Variants in PECAM1 observed in about 807,000 individuals in gnomAD.
PECAM1 encodes platelet and endothelial cell adhesion molecule 1.
PECAM1 carries 8 observed loss-of-function variants against 13.8 expected under a neutral mutation model. The ratio of observed to expected loss-of-function variants is 0.58; its 90% CI spans 0.34 to 1.05. PECAM1 has a LOEUF of 1.05. Ranked by LOEUF, PECAM1 falls within the 50% of genes least tolerant of loss-of-function variation. The pLI is 0.03. For synonymous variants in PECAM1, 136 were observed against 52.6 expected (o/e 2.58, Z -6.86); for missense variants, 304 against 141.2 (o/e 2.15, Z -5.84).
At chr17:64,356,728 G>A (rs1385347672) in intron 7 of PECAM1, among the ~76,000 whole-genome samples, 11 of 152,122 alleles carry the variant, frequency 7.2e-5, no homozygotes, top group Admixed American at 5.9e-4. Context: ...CTGACCTCAG[G>A]TGATTTGCCC....
intron 13 of PECAM1, among the ~76,000 whole-genome samples, chr17:64,345,711 T>TAAAA (rs34143232): frequency 8.6e-5 from 7 of 81,640 alleles, no homozygotes; most frequent in African/African-American, 2.5e-4. Flanking sequence ...AAGACTGTCA[T>TAAAA]AAAAAAAAAA....
In PECAM1 at chr17:64,356,064, G is replaced by C. The variant is rs1184150656; in HGVS notation, c.1780+47C>G. ...TACAAGGGGTGTGTTTTCTGGTCTT[G>C]CCCTTGGGAGCCCACAGCACAGCTT... On this transcript the variant is annotated intron_variant, in intron 8 of 15. Transcript: ENST00000563924. 1.5e-5 allele frequency: 7 copies of C among 474,836 alleles called. No individual in the cohort carries two copies. In the Admixed American group the frequency reaches 2.2e-4, roughly 15 times the overall value. 29.4% of individuals were successfully genotyped at this position (474,836 alleles called of 1,614,324 possible).
intron 14 of PECAM1, among the ~76,000 whole-genome samples, 190 bp downstream of exon 14, chr17:64,341,444 T>G (rs1402005654): frequency 6.6e-6 from 1 of 152,048 alleles, no homozygotes; most frequent in Admixed American, 6.6e-5. Flanking sequence ...GTTGACTACA[T>G]GAATAGTAAA....
chr17:64,348,920 C>G (rs1369521946), intron 12 of PECAM1, among the ~76,000 whole-genome samples: 5 of 152,180 alleles, frequency 3.3e-5, no homozygotes, highest in Non-Finnish European at 7.4e-5. Flanking sequence ...GAGGGACCCT[C>G]TGGCCTAGGT....
intron 14 of PECAM1, among the ~76,000 whole-genome samples, chr17:64,335,976 T>C (rs2035265475): frequency 6.6e-6 from 1 of 152,052 alleles, no homozygotes; most frequent in African/African-American, 2.4e-5. Flanking sequence ...TAAGAAATGA[T>C]GATCTGGCCG....
rs1352288835 is a variant in PECAM1 at position 64,320,496 on chromosome 17, T to A, written c.*3320A>T. ...CTTTTCCACTGGTACCCTCTGCCTA[T>A]GGTCAAGGCTTTGGTGAGACCCACT... On this transcript the variant is annotated 3_prime_UTR_variant, in exon 16 of 16. Coordinates refer to ENST00000563924, the MANE Select transcript of PECAM1 (RefSeq NM_000442.5). The A allele has an allele frequency of 6.6e-6, 1 of 152,440 alleles. No homozygotes were observed. The highest frequency in any genetic ancestry group is 6.5e-5 in the Admixed American group (1 of 15,272). The allele number at this position is 152,440 out of a possible 1,614,324, so 9.4% of individuals were successfully genotyped here. A position where few individuals can be genotyped will look rare whatever the true frequency, so the allele number is the denominator to read the frequency against.
At chr17:64,372,424 G>A (rs2036262126) in intron 4 of PECAM1, among the ~76,000 whole-genome samples, 2 of 152,166 alleles carry the variant, frequency 1.3e-5, no homozygotes, top group Admixed American at 1.3e-4. Context: ...AAAGGAATTA[G>A]CTGTTTGTTA....
intron 5 of PECAM1, among the ~76,000 whole-genome samples, chr17:64,364,997 A>G (rs1392955643): frequency 6.6e-6 from 1 of 152,042 alleles, no homozygotes; most frequent in Non-Finnish European, 1.5e-5. Flanking sequence ...GAAGGAAATA[A>G]AGGGTATTCA....
At chr17:64,367,700 G>C (rs1041332734) in intron 5 of PECAM1, among the ~76,000 whole-genome samples, 1 of 152,092 alleles carries the variant, frequency 6.6e-6, no homozygotes, top group Non-Finnish European at 1.5e-5. Context: ...CTGTAGACTG[G>C]TCTAGTTATG....
At chr17:64,383,925 A>G (rs1382449694) in intron 2 of PECAM1, among the ~76,000 whole-genome samples, 2 of 152,122 alleles carry the variant, frequency 1.3e-5, no homozygotes, top group Non-Finnish European at 2.9e-5. Context: ...TGAGGTCAAG[A>G]GTTCGAGACC....
chr17:64,355,751 C>T (rs1277470985), intron 8 of PECAM1, among the ~76,000 whole-genome samples: 15 of 152,190 alleles, frequency 9.9e-5, no homozygotes, highest in Middle Eastern at 3.4e-3. Flanking sequence ...TCCAGGAAAC[C>T]GCCCCCACCC....
rs1013387491 is a variant in PECAM1, at chr17:64,377,655, G to A, written c.385+169C>T. On this transcript the variant is annotated intron_variant, in intron 3 of 15. Coordinates refer to ENST00000563924, the MANE Select transcript of PECAM1 (RefSeq NM_000442.5). ...AAGGAAGGAAGGGCCTGGCCTATTGGGAATATGTCTAGTGCTTACGTATTC... is the reference window on the plus strand; with the variant it reads ...AAGGAAGGAAGGGCCTGGCCTATTGAGAATATGTCTAGTGCTTACGTATTC... The A allele has an allele frequency of 2.0e-3, 495 of 245,542 alleles. 4 individuals carry two copies. In the African/African-American group the frequency reaches 0.023, roughly 11 times the overall value. 15.2% of individuals were successfully genotyped at this position (245,542 alleles called of 1,614,324 possible).
intron 2 of PECAM1, among the ~76,000 whole-genome samples, chr17:64,382,314 C>T (rs909670320): frequency 1.3e-5 from 2 of 152,174 alleles, no homozygotes; most frequent in Non-Finnish European, 2.9e-5. Flanking sequence ...CGGAGCCAGA[C>T]CTGGGCCAAA....
intron 14 of PECAM1, among the ~76,000 whole-genome samples, chr17:64,330,156 C>T (rs1176716352): frequency 6.6e-6 from 1 of 151,946 alleles, no homozygotes; most frequent in Non-Finnish European, 1.5e-5. Context: ...GCTGGGACTA[C>T]AGGCGCACAC....
intron 2 of PECAM1, among the ~76,000 whole-genome samples, chr17:64,379,285 T>A (rs2036430732): frequency 6.6e-6 from 1 of 152,188 alleles, no homozygotes; most frequent in Non-Finnish European, 1.5e-5. Flanking sequence ...AGGCTGTCAA[T>A]AGAATTCAGC....
chr17:64,353,585 CA>C (rs1370899616), intron 9 of PECAM1, 67 bp from the exon 10 acceptor site: 2 of 445,418 alleles, frequency 4.5e-6, no homozygotes, highest in Non-Finnish European at 8.2e-6. Context: ...CTATAATGGC[CA>C]AAACGCCAAT....
Position 64,347,984 on chromosome 17 carries a change from G to C in PECAM1, c.2107+276C>G, listed in dbSNP as rs1482761817. On this transcript the variant is annotated intron_variant, in intron 13 of 15. Transcript: ENST00000563924. The stretch of plus-strand genomic sequence containing the variant: ...GATCTCAGGTGATCCACCCGCCTTG[G>C]CCTCCCAAAGTGCTAGGATTACAGG... 1.6e-4 allele frequency among the ~76,000 whole-genome samples: 24 copies of C among 152,066 alleles called. No individual in the cohort carries two copies. The East Asian group carries it at 4.4e-3, about 28-fold the overall frequency.
intron 6 of PECAM1, among the ~76,000 whole-genome samples, chr17:64,361,319 T>C (rs1204657739): frequency 6.6e-6 from 1 of 152,044 alleles, no homozygotes; most frequent in Non-Finnish European, 1.5e-5. Flanking sequence ...CTAACTTTTG[T>C]ATTTTTAGTA....
At chr17:64,336,109 CA>C (rs1176125087) in intron 14 of PECAM1, among the ~76,000 whole-genome samples, 2 of 151,336 alleles carry the variant, frequency 1.3e-5, no homozygotes, top group African/African-American at 4.8e-5. Context: ...ACTAAAAATA[CA>C]AAAAAAATTA....
Sources: gnomAD v4.1 joint callset for allele counts (sites outside exome capture counted in the v4.1 genomes callset) on GRCh38, gnomAD v4.1.1 for gene constraint, MANE v1.5 for transcripts, NCBI Gene and HGNC (gene_info 2026-07-23, HGNC 2026-07-21) for gene names.